The following RNGTT variants were observed in gnomAD, a reference collection of about 807,000 sequenced individuals.
RNGTT encodes mRNA-capping enzyme.
In RNGTT, 33 loss-of-function variants were observed where a neutral mutation model predicts 79.3. The observed-to-expected ratio is 0.42, with a 90% confidence interval of 0.32 to 0.56. RNGTT has a LOEUF of 0.56. Among genes scored for constraint, RNGTT ranks in the 20% least tolerant of loss-of-function variants. The pLI, the probability that RNGTT is intolerant of heterozygous loss-of-function variation, is 0.17. For synonymous variants in RNGTT, 222 were observed against 235.9 expected, an observed-to-expected ratio of 0.94 and a Z score of 0.54; for missense variants, 497 against 739.1, an observed-to-expected ratio of 0.67 and a Z score of 3.80.
chr6:88,728,076 C>T (rs1048830194), intron 13 of RNGTT, among the ~76,000 whole-genome samples: 1 of 152,182 alleles, frequency 6.6e-6, no homozygotes, highest in African/African-American at 2.4e-5. Flanking sequence ...ACCGTCCCCT[C>T]CAGGGTCATG....
intron 4 of RNGTT, among the ~76,000 whole-genome samples, chr6:88,924,826 C>T (rs1466618839): frequency 1.3e-5 from 2 of 151,738 alleles, no homozygotes; most frequent in African/African-American, 4.8e-5. Flanking sequence ...TGGGCTCAAG[C>T]AGTCCTCCCA....
chr6:88,632,247 C>G (rs1035269990), intron 14 of RNGTT, among the ~76,000 whole-genome samples: 2 of 152,116 alleles, frequency 1.3e-5, no homozygotes, highest in African/African-American at 4.8e-5. Flanking sequence ...CAGACATAAG[C>G]CACCATGCTC....
intron 14 of RNGTT, among the ~76,000 whole-genome samples, chr6:88,619,933 TTAGA>T (rs1402671537): frequency 6.6e-6 from 1 of 152,250 alleles, no homozygotes; most frequent in Non-Finnish European, 1.5e-5. Flanking sequence ...GTCTGAATTA[TTAGA>T]TAAACAGTCT....
At chr6:88,788,825 GCT>G (rs1256765735) in intron 12 of RNGTT, among the ~76,000 whole-genome samples, 2 of 152,124 alleles carry the variant, frequency 1.3e-5, no homozygotes, top group Non-Finnish European at 2.9e-5. Flanking sequence ...ATTAATGACT[GCT>G]CTGTGTCTTA....
intron 13 of RNGTT, among the ~76,000 whole-genome samples, chr6:88,752,010 C>A (rs1777855793): frequency 6.6e-6 from 1 of 151,994 alleles, no homozygotes; most frequent in African/African-American, 2.4e-5. Flanking sequence ...CTCTTCCATA[C>A]CCTCCCCCCA....
intron 6 of RNGTT, among the ~76,000 whole-genome samples, chr6:88,899,073 T>C (rs1010627310): frequency 3.3e-5 from 5 of 151,780 alleles, no homozygotes; most frequent in Non-Finnish European, 7.4e-5. Context: ...ATGAGTAAAA[T>C]ATTTAATAAT....
At chr6:88,936,076 T>C (rs1784655850) in intron 2 of RNGTT, among the ~76,000 whole-genome samples, 1 of 152,176 alleles carries the variant, frequency 6.6e-6, no homozygotes. Context: ...CACACCATTG[T>C]GCCTGGATAA....
intron 10 of RNGTT, among the ~76,000 whole-genome samples, chr6:88,846,200 A>G (rs974760487): frequency 6.6e-6 from 1 of 152,202 alleles, no homozygotes; most frequent in Admixed American, 6.5e-5. Flanking sequence ...AGACTACAGG[A>G]AACACTCAAT....
At chr6:88,640,386 CAAA>C (rs34910543) in intron 14 of RNGTT, among the ~76,000 whole-genome samples, 7 of 97,144 alleles carry the variant, frequency 7.2e-5, no homozygotes, top group Admixed American at 1.1e-4. Flanking sequence ...CCTGTCTCTA[CAAA>C]AAAAAAAAAA....
intron 14 of RNGTT, among the ~76,000 whole-genome samples, chr6:88,669,562 G>A (rs980570047): frequency 1.3e-5 from 2 of 152,222 alleles, no homozygotes; most frequent in African/African-American, 4.8e-5. Flanking sequence ...GTCACCTGGT[G>A]GGGTCTAAAC....
chr6:88,761,217 T>G lies in RNGTT; in HGVS notation c.1439+8557A>C, dbSNP rs1221068256. ...CAAACCAGAACCTTCTGGCCAGGCA[T>G]GTTGGCTCACACCTGTAATCCCAGC... On this transcript the variant is annotated intron_variant, in intron 13 of 15. Transcript: ENST00000369485. 1.3e-5 allele frequency among the ~76,000 whole-genome samples: 2 copies of G among 152,158 alleles called. 1 individual carries two copies. The highest frequency in any genetic ancestry group is 1.3e-4 in the Admixed American group (2 of 15,276).
intron 6 of RNGTT, among the ~76,000 whole-genome samples, chr6:88,897,567 T>A (rs1562308600): frequency 6.6e-6 from 1 of 152,202 alleles, no homozygotes; most frequent in South Asian, 2.1e-4. Flanking sequence ...TTTCTGACTA[T>A]GTCTGCATCA....
intron 12 of RNGTT, among the ~76,000 whole-genome samples, chr6:88,779,482 T>C (rs558075030): frequency 3.3e-5 from 5 of 152,292 alleles, no homozygotes; most frequent in African/African-American, 9.6e-5. Flanking sequence ...AGATATTAAA[T>C]ATCATTCACA....
intron 12 of RNGTT, among the ~76,000 whole-genome samples, chr6:88,771,350 T>TATATATATATATATATAC (rs376503141): frequency 2.6e-5 from 3 of 116,254 alleles, no homozygotes; most frequent in African/African-American, 7.7e-5. Context: ...TATATATATA[T>TATATATATATATATATAC]ACACACACAC....
rs552483849 is a variant in RNGTT, at chr6:88,865,511, A to C, written c.897-11747T>G. Among the ~76,000 whole-genome samples, 4 of 152,208 alleles carry C rather than the reference A, an allele frequency of 2.6e-5. No homozygotes were observed. The East Asian group carries it at 7.7e-4, about 29-fold the overall frequency. On this transcript the variant is annotated intron_variant, in intron 8 of 15. Transcript: ENST00000369485. ...TCACAGGTAACTCTTGGTAAAGGTT[A>C]CCCACAGACCACACACCCAAACATA...
chr6:88,687,837 G>A (rs1199110825), intron 13 of RNGTT, among the ~76,000 whole-genome samples: 1 of 152,070 alleles, frequency 6.6e-6, no homozygotes, highest in African/African-American at 2.4e-5. Context: ...AAATCATGGG[G>A]GAATAAAAAT....
In RNGTT at chr6:88,670,420, C is replaced by T. The variant is rs544767377; in HGVS notation, c.1506+7933G>A. Among the ~76,000 whole-genome samples the T allele has an allele frequency of 2.2e-4, 34 of 152,168 alleles. No individual in the cohort carries two copies. The East Asian group carries it at 3.5e-3, about 16-fold the overall frequency. On this transcript the variant is annotated intron_variant, in intron 14 of 15. Transcript: ENST00000369485. ...ACAAGTGTATTACATGAATCACTAT[C>T]GGTCTGTCTCGCAAAAAGACCTAGA... is the stretch of plus-strand genomic sequence containing the variant.
At chr6:88,718,155 G>A (rs367684117) in intron 13 of RNGTT, among the ~76,000 whole-genome samples, 4 of 152,126 alleles carry the variant, frequency 2.6e-5, no homozygotes, top group African/African-American at 4.8e-5. Flanking sequence ...CACTTTGGGA[G>A]GCAGGCGGAT....
At chr6:88,929,346 C>G in intron 2 of RNGTT, 79 bp from the exon 3 acceptor site, 4 of 844,390 alleles carry the variant, frequency 4.7e-6, no homozygotes, top group Non-Finnish European at 7.8e-6. Flanking sequence ...AATGGCAATA[C>G]TACAGTTCAT....
Sources: allele counts gnomAD v4.1 joint callset (sites outside exome capture counted in the v4.1 genomes callset), GRCh38; gene constraint gnomAD v4.1.1; transcripts MANE v1.5; gene names NCBI Gene and HGNC (gene_info 2026-07-23, HGNC 2026-07-21).